The following MACROD2 variants were observed in gnomAD, a reference collection of about 807,000 sequenced individuals.
MACROD2 encodes the protein ADP-ribose glycohydrolase MACROD2.
A neutral mutation model predicts 70.4 loss-of-function variants in MACROD2; 36 were observed. That is an observed-to-expected ratio of 0.51 (90% CI 0.39 to 0.68). The LOEUF is 0.68. Among genes scored for constraint, MACROD2 ranks in the 30% least tolerant of loss-of-function variants. The pLI is 0.00. For synonymous variants in MACROD2, 172 were observed against 178.8 expected (o/e 0.96, Z 0.30); for missense variants, 496 against 538.4 (o/e 0.92, Z 0.78).
In MACROD2 at chr20:15,298,881, A is replaced by C. The variant is rs368180472; in HGVS notation, c.540+68820A>C. Among the ~76,000 whole-genome samples, 7 of 152,214 alleles carry C rather than the reference A, an allele frequency of 4.6e-5. No homozygotes were observed. The South Asian group carries it at 1.0e-3, about 23-fold the overall frequency. On this transcript the variant is annotated intron_variant, in intron 6 of 17. Transcript: ENST00000684519. ...CTCAATGTATTATTATCCTCATTTT[A>C]CTGACAAAGAAGCAGAGGCCCAGAA...
chr20:14,859,307 CTATTTAAG>C (rs1237801309), intron 5 of MACROD2, among the ~76,000 whole-genome samples: 5 of 152,080 alleles, frequency 3.3e-5, no homozygotes, highest in Admixed American at 2.6e-4. Flanking sequence ...AGAAAGTGTT[CTATTTAAG>C]TGTTAATTAT....
chr20:16,020,854 G>C (rs917357303), intron 15 of MACROD2, among the ~76,000 whole-genome samples: 1 of 152,026 alleles, frequency 6.6e-6, no homozygotes, highest in Non-Finnish European at 1.5e-5. Context: ...CTTTTTCACA[G>C]ACAAAAATCT....
chr20:14,324,422 T>C (rs1229418033), intron 3 of MACROD2: 1 of 152,612 alleles, frequency 6.6e-6, no homozygotes, highest in East Asian at 1.9e-4. Flanking sequence ...ATTGTGACAG[T>C]AATGGGCAGT....
chr20:16,009,392 C>T (rs1351220369), intron 15 of MACROD2, among the ~76,000 whole-genome samples: 1 of 152,180 alleles, frequency 6.6e-6, no homozygotes, highest in Non-Finnish European at 1.5e-5. Context: ...AATTTTATCC[C>T]CTTACTCATG....
intron 3 of MACROD2, among the ~76,000 whole-genome samples, chr20:14,276,532 AC>A (rs1170501491): frequency 6.7e-6 from 1 of 149,852 alleles, no homozygotes; most frequent in Non-Finnish European, 1.5e-5. Flanking sequence ...ATGCTAAATG[AC>A]GAGTCAATGG....
At chr20:15,053,925 A>G (rs2075462703) in intron 5 of MACROD2, among the ~76,000 whole-genome samples, 1 of 152,202 alleles carries the variant, frequency 6.6e-6, no homozygotes, top group Admixed American at 6.5e-5. Flanking sequence ...ATTGATTTCA[A>G]CTCTTATGGA....
chr20:15,892,953 C>T, intron 10 of MACROD2: 1 of 398,908 alleles, frequency 2.5e-6, no homozygotes, highest in Admixed American at 4.4e-5. Flanking sequence ...AGGCCTCTCT[C>T]CACCCTACAA....
intron 5 of MACROD2, among the ~76,000 whole-genome samples, chr20:14,921,723 A>G (rs1600827075): frequency 6.8e-6 from 1 of 147,500 alleles, no homozygotes; most frequent in Non-Finnish European, 1.5e-5. Context: ...AGTGTCAGGG[A>G]TAATTGTTTG....
chr20:14,062,229 T>C (rs960603139), intron 2 of MACROD2, among the ~76,000 whole-genome samples: 5 of 152,182 alleles, frequency 3.3e-5, no homozygotes, highest in Non-Finnish European at 5.9e-5. Context: ...TCCTGACATG[T>C]TCCCTTCAGT....
At chr20:14,151,989 T>C (rs922644623) in intron 3 of MACROD2, among the ~76,000 whole-genome samples, 9 of 151,620 alleles carry the variant, frequency 5.9e-5, no homozygotes, top group Non-Finnish European at 1.3e-4. Flanking sequence ...GCCCGGCTAA[T>C]ATTTTGTATT....
At chr20:16,021,335 G>A (rs2066998500) in intron 15 of MACROD2, among the ~76,000 whole-genome samples, 1 of 152,032 alleles carries the variant, frequency 6.6e-6, no homozygotes, top group Non-Finnish European at 1.5e-5. Context: ...TTTTTGTGTT[G>A]GATCCTCCAA....
intron 8 of MACROD2, among the ~76,000 whole-genome samples, chr20:15,560,762 CAAAAAAAAAAAAAAAAAA>C (rs71190190): frequency 9.1e-5 from 2 of 22,092 alleles, no homozygotes; most frequent in Non-Finnish European, 1.9e-4. Context: ...AACAAAGTCT[CAAAAAAAAAAAAAAAAAA>C]AAAAAAAAAA....
chr20:16,009,066 G>A (rs1344188512), intron 15 of MACROD2, among the ~76,000 whole-genome samples: 2 of 151,946 alleles, frequency 1.3e-5, no homozygotes, highest in East Asian at 3.9e-4. Context: ...GATGTGCTGT[G>A]TCATGAGAGT....
At chr20:15,845,423 T>A (rs1568594123) in intron 8 of MACROD2, among the ~76,000 whole-genome samples, 1 of 152,142 alleles carries the variant, frequency 6.6e-6, no homozygotes, top group Non-Finnish European at 1.5e-5. Context: ...TTGAAAACTA[T>A]GGCTTTGGGC....
Position 15,021,244 on chromosome 20 carries a change from G to GTGTT in MACROD2, c.419-208693_419-208692insTTGT, listed in dbSNP as rs1568534929. 1.6e-3 allele frequency among the ~76,000 whole-genome samples: 18 copies of GTGTT among 10,990 alleles called. 3 individuals are homozygous for GTGTT. The highest frequency in any genetic ancestry group is 5.9e-3 in the African/African-American group (16 of 2,692). The allele number at this position is 10,990 out of a possible 152,430, so 7.2% of individuals were successfully genotyped here. A position where few individuals can be genotyped will look rare whatever the true frequency, so the allele number is the denominator to read the frequency against. On this transcript the variant is annotated intron_variant, in intron 5 of 17. Coordinates refer to ENST00000684519, the MANE Select transcript of MACROD2 (RefSeq NM_001351661.2). ...CAGGTGTGCGTATACACACACCTGT[G>GTGTT]TGTATGTATACACACACCTGTGTGT...
intron 3 of MACROD2, among the ~76,000 whole-genome samples, chr20:14,169,546 C>T (rs947194485): frequency 1.6e-4 from 25 of 152,100 alleles, no homozygotes; most frequent in African/African-American, 3.9e-4. Flanking sequence ...TCAGGTGATC[C>T]GCCTGCCTCA....
chr20:15,194,025 C>T (rs978595007), intron 5 of MACROD2, among the ~76,000 whole-genome samples: 49 of 151,920 alleles, frequency 3.2e-4, no homozygotes, highest in African/African-American at 1.1e-3. Context: ...GCAGGCAGAT[C>T]ACCTGAGGTC....
At chr20:15,007,057 G>A (rs2075043689) in intron 5 of MACROD2, among the ~76,000 whole-genome samples, 1 of 151,452 alleles carries the variant, frequency 6.6e-6, no homozygotes, top group South Asian at 2.1e-4. Context: ...GTAGAGGACT[G>A]GGGGAAACCA....
intron 7 of MACROD2, among the ~76,000 whole-genome samples, chr20:15,459,452 T>G (rs1600442549): frequency 2.6e-5 from 4 of 152,070 alleles, no homozygotes; most frequent in Non-Finnish European, 4.4e-5. Context: ...AATGGCAGCC[T>G]TTTTCCCCCC....
Sources: gnomAD v4.1 joint callset for allele counts (sites outside exome capture counted in the v4.1 genomes callset) on GRCh38, gnomAD v4.1.1 for gene constraint, MANE v1.5 for transcripts, NCBI Gene and HGNC (gene_info 2026-07-23, HGNC 2026-07-21) for gene names.